PSKH2: variants seen among roughly 807,000 people sequenced by gnomAD.
PSKH2 encodes serine/threonine-protein kinase H2.
A neutral mutation model predicts 22.5 loss-of-function variants in PSKH2; 16 were observed. The ratio of observed to expected loss-of-function variants is 0.71; its 90% confidence interval spans 0.48 to 1.08. The LOEUF (loss-of-function observed/expected upper bound fraction) is 1.08, where lower values mean the gene tolerates loss of function less well. PSKH2 is among the 50% of genes least tolerant of loss of function. The pLI, the probability that PSKH2 is intolerant of heterozygous loss-of-function variation, is 0.00. For missense variants in PSKH2, 516 were observed against 492.8 expected (o/e 1.05, Z -0.44); for synonymous variants, 188 against 184.8 (o/e 1.02, Z -0.14).
chr8:86,065,020 G>T (rs1477231033), intron 1 of PSKH2, among the ~76,000 whole-genome samples: 1 of 152,116 alleles, frequency 6.6e-6, no homozygotes, highest in Non-Finnish European at 1.5e-5. Context: ...CCCAGATTGT[G>T]GTTGGAATGG....
intron 2 of PSKH2, among the ~76,000 whole-genome samples, chr8:86,063,646 A>G (rs1817808751): frequency 6.6e-6 from 1 of 152,192 alleles, no homozygotes; most frequent in Admixed American, 6.5e-5. Context: ...GAACTCATTT[A>G]TCTACTTGAT....
chr8:86,069,927 A>G (rs1423905086), upstream of PSKH2, among the ~76,000 whole-genome samples: 1 of 152,226 alleles, frequency 6.6e-6, no homozygotes, highest in Non-Finnish European at 1.5e-5. Context: ...AAGTGAACAT[A>G]TAAAATTATA....
intron 2 of PSKH2, among the ~76,000 whole-genome samples, chr8:86,060,849 C>G (rs902632985): frequency 6.6e-6 from 1 of 152,192 alleles, no homozygotes; most frequent in Non-Finnish European, 1.5e-5. Flanking sequence ...CCTCAAGAAA[C>G]AGAGGGTGCC....
At chr8:86,064,861 A>C (rs1351899903) in intron 1 of PSKH2, among the ~76,000 whole-genome samples, 3 of 152,202 alleles carry the variant, frequency 2.0e-5, no homozygotes, top group African/African-American at 4.8e-5. Context: ...TTAATACAAT[A>C]ACTACCATTT....
intron 2 of PSKH2, among the ~76,000 whole-genome samples, chr8:86,050,034 A>G (rs1184909889): frequency 6.6e-6 from 1 of 152,194 alleles, no homozygotes; most frequent in African/African-American, 2.4e-5. Flanking sequence ...CAGCTATGAC[A>G]CAGTACAATA....
At chr8:86,050,298 C>T (rs1391013787) in intron 2 of PSKH2, among the ~76,000 whole-genome samples, 2 of 152,184 alleles carry the variant, frequency 1.3e-5, no homozygotes, top group Non-Finnish European at 2.9e-5. Flanking sequence ...GCCTTCACTT[C>T]TCATTCTCCT....
At chr8:86,066,651 T>G (rs565819969) in intron 1 of PSKH2, among the ~76,000 whole-genome samples, 12 of 152,322 alleles carry the variant, frequency 7.9e-5, no homozygotes, top group South Asian at 6.2e-4. Flanking sequence ...ATAGTCTTAC[T>G]TCTTTTATTG....
chr8:86,064,131 A>G lies in PSKH2; in HGVS notation c.686T>C (p.Ile229Thr). 1.2e-6 allele frequency: 2 copies of G among 1,614,140 alleles called. No individual in the cohort carries two copies. Among genetic ancestry groups the G allele is most frequent in the Non-Finnish European group, 8.5e-7 (1 of 1,180,020 alleles). ...CTTCCTTAGCAAAACCTCAGGAGCT[A>G]TGTACTCTGGGGTCCCACAGAGTGT... is the stretch of plus-strand genomic sequence containing the variant. ...MKTLCGTPEY[I>T]APEVLLRKPY... Residue 229 changes from isoleucine (I) to threonine (T), a missense_variant, in exon 2 of 3, where the codon ATA (isoleucine) becomes ACA (threonine). Ile to Thr is a moderately conservative substitution (Grantham distance 89). Coordinates refer to ENST00000276616, the MANE Select transcript of PSKH2 (RefSeq NM_033126.3).
intron 1 of PSKH2, among the ~76,000 whole-genome samples, chr8:86,068,725 G>T (rs922769555): frequency 2.0e-5 from 3 of 152,152 alleles, no homozygotes; most frequent in Non-Finnish European, 2.9e-5. Context: ...TTTAGAATTA[G>T]TGGAAGATCC....
chr8:86,067,235 G>T (rs911327914), intron 1 of PSKH2, among the ~76,000 whole-genome samples: 4 of 151,948 alleles, frequency 2.6e-5, no homozygotes, highest in Non-Finnish European at 5.9e-5. Flanking sequence ...GGAAATAAAT[G>T]CCTCAGATTG....
At chr8:86,049,158 G>C (rs1223630774) in intron 2 of PSKH2, among the ~76,000 whole-genome samples, 1 of 152,178 alleles carries the variant, frequency 6.6e-6, no homozygotes, top group African/African-American at 2.4e-5. Context: ...GTCAGTGTTT[G>C]CAACACTGTG....
At chr8:86,059,401 A>T (rs548424670) in intron 2 of PSKH2, among the ~76,000 whole-genome samples, 1 of 152,344 alleles carries the variant, frequency 6.6e-6, no homozygotes, top group East Asian at 1.9e-4. Context: ...TGGGTCTTAC[A>T]GGCTAACATC....
At position 86,048,360 on chromosome 8, in the gene PSKH2, T is replaced by C. The variant is rs1233514961; in HGVS notation, c.*102A>G. 7 of 846,580 alleles carry C rather than the reference T, an allele frequency of 8.3e-6. No homozygotes were observed. The highest frequency in any genetic ancestry group is 1.8e-6 in the Non-Finnish European group (1 of 541,430). 52.4% of individuals were successfully genotyped at this position (846,580 alleles called of 1,614,324 possible). ...ATGTTAAAAGTCAAGATCAATAGTA[T>C]CCAACAATACCATGGAGTCCCGTGT... On this transcript the variant is annotated 3_prime_UTR_variant, in exon 3 of 3. Coordinates refer to ENST00000276616, the MANE Select transcript of PSKH2 (RefSeq NM_033126.3).
rs1307031996 is a variant in PSKH2, at chr8:86,048,645, T to C, written c.975A>G (p.Ala325=). ...LDHPWVITMA[A]GSSMKNLQRA... ...TCTGGAGATTCTTCATGGAAGACCC[T>C]GCAGCCATGGTGATCACCCAGGGAT... is the stretch of plus-strand genomic sequence containing the variant. The change falls in exon 3 of 3, where the codon GCA becomes GCG. Residue 325 remains alanine (A), a synonymous_variant. Transcript: ENST00000276616. 1.2e-6 allele frequency: 2 copies of C among 1,614,030 alleles called. No homozygotes were observed. Among genetic ancestry groups the C allele is most frequent in the Admixed American group, 1.7e-5 (1 of 59,998 alleles).
rs749235874 is a variant in PSKH2 at position 86,064,024 on chromosome 8, C to T, written c.793G>A (p.Glu265Lys). 5.0e-6 allele frequency: 8 copies of T among 1,614,032 alleles called. No homozygotes were observed. The highest frequency in any genetic ancestry group is 6.8e-6 in the Non-Finnish European group (8 of 1,179,972). ...TTCCTGTAAAGCCTTGTCTGGCTTTCATCATCAAAAGGCAGGAATCCGCTA... is the reference window on the plus strand; with the variant it reads ...TTCCTGTAAAGCCTTGTCTGGCTTTTATCATCAAAAGGCAGGAATCCGCTA... ...LLSGFLPFDD[E>K]SQTRLYRKIL... is the part of the protein sequence containing the mutation. Residue 265 changes from glutamate to lysine, a missense_variant, in exon 2 of 3, where the codon GAA (glutamate) becomes AAA (lysine). Glu to Lys is a moderately conservative substitution (Grantham distance 56). Coordinates refer to ENST00000276616, the MANE Select transcript of PSKH2 (RefSeq NM_033126.3).
At chr8:86,055,896 C>CAGT (rs1817692467) in intron 2 of PSKH2, among the ~76,000 whole-genome samples, 1 of 152,118 alleles carries the variant, frequency 6.6e-6, no homozygotes, top group South Asian at 2.1e-4. Flanking sequence ...ATGAGAATCA[C>CAGT]AGGTGAACCT....
chr8:86,068,241 C>G (rs1178601679), intron 1 of PSKH2, among the ~76,000 whole-genome samples: 1 of 152,196 alleles, frequency 6.6e-6, no homozygotes, highest in African/African-American at 2.4e-5. Context: ...AGATTCTGGA[C>G]AGAGCACTGT....
chr8:86,049,714 GAAAGAAAGAAAGAAA>G (rs1817590378), intron 2 of PSKH2, among the ~76,000 whole-genome samples: 1 of 62,340 alleles, frequency 1.6e-5, no homozygotes, highest in African/African-American at 6.4e-5. Context: ...AAGAAAGAAA[GAAAGAAAGAAAGAAA>G]GAAAGAAAGA....
intron 1 of PSKH2, among the ~76,000 whole-genome samples, chr8:86,067,266 C>T (rs1817878416): frequency 6.6e-6 from 1 of 151,924 alleles, no homozygotes; most frequent in Admixed American, 6.6e-5. Context: ...TGTCCCATAA[C>T]AAATTCTTAT....
Sources: allele counts gnomAD v4.1 joint callset (sites outside exome capture counted in the v4.1 genomes callset), GRCh38; gene constraint gnomAD v4.1.1; transcripts MANE v1.5; gene names NCBI Gene and HGNC (gene_info 2026-07-23, HGNC 2026-07-21).